Variants in USP43 observed in about 807,000 individuals in gnomAD.
The protein encoded by USP43 is ubiquitin carboxyl-terminal hydrolase 43.
Under a neutral mutation model 90.7 loss-of-function variants are expected in USP43, and 33 were observed. The ratio of observed to expected loss-of-function variants is 0.36; its 90% CI spans 0.28 to 0.49. The LOEUF (loss-of-function observed/expected upper bound fraction) is 0.49, where lower values mean the gene tolerates loss of function less well. Ranked by LOEUF, USP43 falls within the 20% of genes least tolerant of loss-of-function variation. The probability of loss-of-function intolerance (pLI) is 0.98; values close to 1 mark genes in which losing one functional copy is unlikely to be tolerated. For synonymous variants in USP43, 598 were observed against 615.8 expected, an observed-to-expected ratio of 0.97 and a Z score of 0.43; for missense variants, 1,274 against 1,476.4, an observed-to-expected ratio of 0.86 and a Z score of 2.25.
intron 6 of USP43, among the ~76,000 whole-genome samples, chr17:9,681,748 C>T (rs1196921012): frequency 6.6e-6 from 1 of 151,810 alleles, no homozygotes; most frequent in East Asian, 1.9e-4. Context: ...CCTGCCTCAG[C>T]CTCCGAAAGT....
At chr17:9,719,248 G>T (rs1427501655) in intron 14 of USP43, among the ~76,000 whole-genome samples, 1 of 152,158 alleles carries the variant, frequency 6.6e-6, no homozygotes, top group East Asian at 1.9e-4. Context: ...AAGTACCTCA[G>T]GCCATTTCTC....
intron 8 of USP43, among the ~76,000 whole-genome samples, chr17:9,687,522 G>A (rs1292744418): frequency 2.0e-5 from 3 of 152,118 alleles, no homozygotes; most frequent in Non-Finnish European, 4.4e-5. Context: ...AACAAAAACA[G>A]CATGTTTAAA....
At chr17:9,672,853 C>T (rs559517208) in intron 3 of USP43, among the ~76,000 whole-genome samples, 8 of 152,296 alleles carry the variant, frequency 5.3e-5, no homozygotes, top group African/African-American at 1.7e-4. Context: ...GGGCAGATCA[C>T]CCAGGATTGC....
At chr17:9,705,431 A>G (rs1735266573) in intron 12 of USP43, among the ~76,000 whole-genome samples, 2 of 152,152 alleles carry the variant, frequency 1.3e-5, no homozygotes, top group African/African-American at 4.8e-5. Context: ...GTAGATGGAC[A>G]TTGGACTGAC....
In USP43 at chr17:9,648,943, C is replaced by CTT. The variant is rs1351173212; in HGVS notation, c.504+2808_504+2809insTT. The stretch of plus-strand genomic sequence containing the variant: ...CCACTCTTTCTGTCTCTCTCCCTCT[C>CTT]TCTCTCTCTCTCTCTCCCTCCCTCC... On this transcript the variant is annotated intron_variant, in intron 1 of 14. Transcript: ENST00000285199. Among the ~76,000 whole-genome samples the CTT allele has an allele frequency of 3.7e-3, 494 of 134,546 alleles. 5 individuals carry two copies. The highest frequency in any genetic ancestry group is 0.012 in the African/African-American group (466 of 38,074). The allele number at this position is 134,546 out of a possible 152,430, so 88.3% of individuals were successfully genotyped here.
At chr17:9,688,113 G>C (rs1458023961) in intron 8 of USP43, among the ~76,000 whole-genome samples, 1 of 151,868 alleles carries the variant, frequency 6.6e-6, no homozygotes. Context: ...AGCCTCCCAA[G>C]TAGCTGGGAC....
chr17:9,726,799 C>T (rs1176027961), intron 14 of USP43, among the ~76,000 whole-genome samples: 1 of 152,146 alleles, frequency 6.6e-6, no homozygotes, highest in African/African-American at 2.4e-5. Flanking sequence ...AGAGGTCACC[C>T]TGCAACCTTT....
rs368413854 is a variant in USP43 at position 9,700,130 on chromosome 17, A to G, written c.1458-42A>G. On this transcript the variant is annotated intron_variant, in intron 9 of 14. Transcript: ENST00000285199. The stretch of plus-strand genomic sequence containing the variant: ...TGAGCCCTGAAGAGCTGTGGGAAGG[A>G]GGCCCCGTGTTTTCTGATGGGCTCC... 2.2e-4 allele frequency: 341 copies of G among 1,530,998 alleles called. 3 individuals are homozygous for G. In the African/African-American group the frequency reaches 4.0e-3, roughly 18 times the overall value. 94.8% of individuals were successfully genotyped at this position (1,530,998 alleles called of 1,614,324 possible). A position where few individuals can be genotyped will look rare whatever the true frequency, so the allele number is the denominator to read the frequency against.
chr17:9,649,461 C>T (rs1201718631), intron 1 of USP43, among the ~76,000 whole-genome samples: 1 of 151,810 alleles, frequency 6.6e-6, no homozygotes, highest in African/African-American at 2.4e-5. Context: ...TTGAGCTTCT[C>T]TTGGCCCTGT....
chr17:9,658,188 T>C (rs80176621), intron 2 of USP43, among the ~76,000 whole-genome samples: 2,725 of 152,330 alleles, frequency 0.018, 80 homozygotes, highest in African/African-American at 0.062. Flanking sequence ...TGCTTAGATC[T>C]TTCAACCATC....
chr17:9,724,751 AC>A (rs1481709485), intron 14 of USP43, among the ~76,000 whole-genome samples: 1 of 152,214 alleles, frequency 6.6e-6, no homozygotes, highest in Non-Finnish European at 1.5e-5. Context: ...CCTCATAAAG[AC>A]AGGTGCACCA....
intron 1 of USP43, among the ~76,000 whole-genome samples, chr17:9,654,458 T>C (rs1912090833): frequency 6.6e-6 from 1 of 152,042 alleles, no homozygotes; most frequent in Admixed American, 6.5e-5. Context: ...GAGATCAGCC[T>C]GGACAACATG....
chr17:9,656,085 G>A (rs945057148), intron 1 of USP43, among the ~76,000 whole-genome samples: 3 of 152,112 alleles, frequency 2.0e-5, no homozygotes, highest in Non-Finnish European at 2.9e-5. Flanking sequence ...AGAGAGCTTC[G>A]GTGGGTCAGA....
At chr17:9,727,849 C>A in intron 14 of USP43, 105 bp from the exon 15 acceptor site, 1 of 1,306,860 alleles carries the variant, frequency 7.7e-7, no homozygotes, top group Non-Finnish European at 1.0e-6. Flanking sequence ...GTCTCCAGTG[C>A]CCAGCACAGT....
chr17:9,716,049 G>A (rs1313471079), intron 14 of USP43, among the ~76,000 whole-genome samples: 3 of 150,902 alleles, frequency 2.0e-5, no homozygotes, highest in East Asian at 3.9e-4. Flanking sequence ...GTGTTTGTGT[G>A]TATGAGTGTG....
At chr17:9,703,106 T>C (rs796900016) in intron 12 of USP43, among the ~76,000 whole-genome samples, 5 of 152,142 alleles carry the variant, frequency 3.3e-5, no homozygotes, top group African/African-American at 1.2e-4. Flanking sequence ...CTCACTTCTC[T>C]GGGCCGAAAA....
chr17:9,728,343 C>G lies in USP43; in HGVS notation c.2725C>G (p.Pro909Ala), dbSNP rs1369408467. The stretch of plus-strand genomic sequence containing the variant: ...TCTGGCCCCTGGAAACTCAGATGGT[C>G]CAAACACAGCAAGGAAACTCAAGGA... Reference protein sequence around the residue: ...HCLAPGNSDGPNTARKLKENA... With the variant: ...HCLAPGNSDGANTARKLKENA... The change falls in exon 15 of 15, where the codon CCA becomes GCA. Residue 909 changes from proline to alanine, a missense_variant. Physicochemically the swap from Pro to Ala is conservative, Grantham distance 27. Coordinates refer to ENST00000285199, the MANE Select transcript of USP43 (RefSeq NM_153210.5). This position sits in a 1 kb window ranked among gnomAD's most constrained non-coding sequence, Gnocchi z 6.2. The G allele has an allele frequency of 2.5e-6, 4 of 1,611,710 alleles. No homozygotes were observed. Among genetic ancestry groups the G allele is most frequent in the Non-Finnish European group, 2.5e-6 (3 of 1,179,024 alleles).
intron 9 of USP43, among the ~76,000 whole-genome samples, chr17:9,696,130 A>ATGTTT (rs1364886501): frequency 6.7e-6 from 1 of 149,832 alleles, no homozygotes; most frequent in Admixed American, 6.6e-5. Context: ...GGTGTTTTTT[A>ATGTTT]TGTTTTGTTT....
chr17:9,680,058 G>A (rs1914065042), intron 5 of USP43, among the ~76,000 whole-genome samples, 173 bp from the exon 6 acceptor site: 1 of 140,530 alleles, frequency 7.1e-6, no homozygotes, highest in South Asian at 2.3e-4. Context: ...CACTTGAGAT[G>A]TCTGAGGACA....
Sources: allele counts gnomAD v4.1 joint callset (sites outside exome capture counted in the v4.1 genomes callset), GRCh38; gene constraint gnomAD v4.1.1; non-coding constraint Gnocchi (gnomAD v3.1); transcripts MANE v1.5; gene names NCBI Gene and HGNC (gene_info 2026-07-23, HGNC 2026-07-21).